GSK3B: variants seen among roughly 807,000 people sequenced by gnomAD.
GSK3B encodes the protein glycogen synthase kinase-3 beta.
GSK3B carries 15 observed loss-of-function variants against 56.4 expected under a neutral mutation model. That is an observed-to-expected ratio of 0.27 (90% CI 0.18 to 0.41). GSK3B has a LOEUF of 0.41. GSK3B is among the 10% of genes least tolerant of loss of function. The pLI is 1.00. For missense variants in GSK3B, 300 were observed against 513.4 expected, an observed-to-expected ratio of 0.58 and a Z score of 4.02; for synonymous variants, 181 against 188.9, an observed-to-expected ratio of 0.96 and a Z score of 0.34.
chr3:120,058,611 T>C (rs535577647), intron 1 of GSK3B, among the ~76,000 whole-genome samples: 1 of 152,122 alleles, frequency 6.6e-6, no homozygotes, highest in Non-Finnish European at 1.5e-5. Flanking sequence ...CTTATAAAGC[T>C]GTAAACTTTA....
intron 1 of GSK3B, among the ~76,000 whole-genome samples, chr3:120,008,464 CAAGGCT>C (rs2057748956): frequency 1.3e-5 from 2 of 152,176 alleles, no homozygotes; most frequent in Admixed American, 1.3e-4. Context: ...AACTTTACTA[CAAGGCT>C]ACAGTAATCC....
intron 1 of GSK3B, among the ~76,000 whole-genome samples, chr3:120,040,323 A>G (rs1347959481): frequency 1.3e-5 from 2 of 152,178 alleles, no homozygotes; most frequent in Non-Finnish European, 2.9e-5. Context: ...GGATCCTGTC[A>G]GGAGTTTATA....
chr3:119,987,974 T>C (rs2057531927), intron 2 of GSK3B, among the ~76,000 whole-genome samples: 1 of 152,234 alleles, frequency 6.6e-6, no homozygotes, highest in Admixed American at 6.5e-5. Context: ...GTCATCCTTG[T>C]CAATTGTGTC....
At chr3:119,964,451 A>G (rs2057301431) in intron 2 of GSK3B, among the ~76,000 whole-genome samples, 1 of 152,230 alleles carries the variant, frequency 6.6e-6, no homozygotes, top group East Asian at 1.9e-4. Flanking sequence ...AGGAAATCTT[A>G]CCACTTGTGA....
chr3:120,018,019 A>AT (rs941402606), intron 1 of GSK3B, among the ~76,000 whole-genome samples: 4 of 152,184 alleles, frequency 2.6e-5, no homozygotes, highest in African/African-American at 9.7e-5. Flanking sequence ...AAATTCATAT[A>AT]TTTGACAGTT....
chr3:119,834,022 C>T (rs1476366769), intron 10 of GSK3B, among the ~76,000 whole-genome samples: 1 of 152,084 alleles, frequency 6.6e-6, no homozygotes, highest in East Asian at 1.9e-4. Context: ...TCCCGTATTT[C>T]CTTTACTACG....
At chr3:119,994,888 A>T (rs894561051) in intron 2 of GSK3B, among the ~76,000 whole-genome samples, 1 of 152,142 alleles carries the variant, frequency 6.6e-6, no homozygotes, top group Non-Finnish European at 1.5e-5. Flanking sequence ...ATATTAGATA[A>T]TAGTATTGTA....
Position 119,885,643 on chromosome 3 carries a change from C to G in GSK3B, c.814-9135G>C, listed in dbSNP as rs544763903. Among the ~76,000 whole-genome samples the G allele has an allele frequency of 3.3e-5, 5 of 152,228 alleles. No homozygotes were observed. In the South Asian group the frequency reaches 1.0e-3, roughly 32 times the overall value. On this transcript the variant is annotated intron_variant, in intron 7 of 10. Coordinates refer to ENST00000264235, the MANE Select transcript of GSK3B (RefSeq NM_001146156.2). ...AAGCCAGAGGCATCACATTACCTGA[C>G]GTCAAACTGTACTATAAGGCTACAT...
At chr3:119,829,270 C>T (rs2055563476) in intron 10 of GSK3B, among the ~76,000 whole-genome samples, 1 of 152,120 alleles carries the variant, frequency 6.6e-6, no homozygotes, top group Non-Finnish European at 1.5e-5. Flanking sequence ...AAAAAAAAAT[C>T]CAGAGAAAAC....
intron 1 of GSK3B, among the ~76,000 whole-genome samples, chr3:120,080,398 AAAG>A (rs760279449): frequency 7.2e-5 from 11 of 152,210 alleles, no homozygotes; most frequent in African/African-American, 1.4e-4. Context: ...ATTAAAAAAA[AAAG>A]AAGTTGTATT....
chr3:119,831,014 T>C (rs1181178261), intron 10 of GSK3B, among the ~76,000 whole-genome samples: 1 of 152,174 alleles, frequency 6.6e-6, no homozygotes, highest in East Asian at 1.9e-4. Flanking sequence ...GCATACTGCT[T>C]ACCAATATGC....
At chr3:120,028,272 A>T (rs1224746319) in intron 1 of GSK3B, among the ~76,000 whole-genome samples, 1 of 152,214 alleles carries the variant, frequency 6.6e-6, no homozygotes, top group Non-Finnish European at 1.5e-5. Context: ...TTAATGAGGT[A>T]TTATTACTAC....
intron 2 of GSK3B, among the ~76,000 whole-genome samples, chr3:119,973,719 A>G (rs1454744006): frequency 6.6e-6 from 1 of 152,194 alleles, no homozygotes; most frequent in Non-Finnish European, 1.5e-5. Context: ...CTATTTTATT[A>G]TTTTGTTTTA....
At chr3:120,077,707 T>C (rs2058379360) in intron 1 of GSK3B, among the ~76,000 whole-genome samples, 1 of 152,186 alleles carries the variant, frequency 6.6e-6, no homozygotes, top group Non-Finnish European at 1.5e-5. Flanking sequence ...TTTCTTTTAC[T>C]ACAGTAGCCA....
At chr3:119,922,200 G>A (rs1165063010) in intron 4 of GSK3B, among the ~76,000 whole-genome samples, 2 of 111,080 alleles carry the variant, frequency 1.8e-5, no homozygotes, top group African/African-American at 4.2e-5. Flanking sequence ...TAGGTAGGTA[G>A]GGAAGGAGGG....
In GSK3B at chr3:120,002,198, G is replaced by A; in HGVS notation, c.130C>T (p.Pro44Ser). Residue 44 changes from proline to serine, a missense_variant, in exon 2 of 11, where the codon CCT becomes TCT. Physicochemically the swap from Pro to Ser is moderately conservative, Grantham distance 74 (BLOSUM62 -1). Around this residue, in one of 6 missense-constraint regions of GSK3B, gnomAD observed 53 missense variants for 64.6 expected, o/e 0.82. Transcript: ENST00000264235. The stretch of plus-strand genomic sequence containing the variant: ...TGTGGCCTGTCTGGACCCTGCCCAG[G>A]AGTTGCCACCACTGTTGTCACCTTG... ...GSKVTTVVAT[P>S]GQGPDRPQEV... The A allele has an allele frequency of 4.4e-6, 7 of 1,593,326 alleles. No individual in the cohort carries two copies. The highest frequency in any genetic ancestry group is 1.2e-5 in the South Asian group (1 of 86,636).
intron 2 of GSK3B, among the ~76,000 whole-genome samples, chr3:119,986,403 C>T (rs942320173): frequency 1.1e-4 from 17 of 151,830 alleles, no homozygotes; most frequent in African/African-American, 4.1e-4. Flanking sequence ...AGGCAACCTA[C>T]AGAATGGGAG....
chr3:119,913,326 A>T (rs947819216), intron 5 of GSK3B, among the ~76,000 whole-genome samples: 6 of 152,122 alleles, frequency 3.9e-5, no homozygotes, highest in Admixed American at 2.6e-4. Flanking sequence ...TCAATTTATT[A>T]ACCACATAAA....
chr3:119,830,868 G>T (rs958461083), intron 10 of GSK3B, among the ~76,000 whole-genome samples: 1 of 152,140 alleles, frequency 6.6e-6, no homozygotes, highest in Non-Finnish European at 1.5e-5. Context: ...GGCCTATGAA[G>T]TGCTTAGCAC....
Sources: allele counts gnomAD v4.1 joint callset (sites outside exome capture counted in the v4.1 genomes callset), GRCh38; gene constraint gnomAD v4.1.1; regional missense constraint gnomAD v4.1.1; transcripts MANE v1.5; gene names NCBI Gene and HGNC (gene_info 2026-07-23, HGNC 2026-07-21).